EML5: variants seen among roughly 807,000 people sequenced by gnomAD.
EML5 encodes the protein echinoderm microtubule-associated protein-like 5.
In EML5, 120 loss-of-function variants were observed where a neutral mutation model predicts 250.0. That is an observed-to-expected ratio of 0.48 (90% CI 0.41 to 0.56). The LOEUF is 0.56. Ranked by LOEUF, EML5 falls within the 20% of genes least tolerant of loss-of-function variation. The pLI is 0.00. For missense variants in EML5, 2,006 were observed against 2,437.6 expected, an observed-to-expected ratio of 0.82 and a Z score of 3.73; for synonymous variants, 771 against 806.5, an observed-to-expected ratio of 0.96 and a Z score of 0.75.
intron 7 of EML5, among the ~76,000 whole-genome samples, chr14:88,728,544 A>T (rs1177200807): frequency 6.6e-6 from 1 of 152,208 alleles, no homozygotes; most frequent in Non-Finnish European, 1.5e-5. Flanking sequence ...AAGAGAAAAT[A>T]TAATTGTTAT....
rs541237008 is a variant in EML5, at chr14:88,738,864, T to C, written c.847+15A>G. 7.7e-6 allele frequency: 12 copies of C among 1,552,240 alleles called. No individual in the cohort carries two copies. Among genetic ancestry groups the C allele is most frequent in the Non-Finnish European group, 9.6e-6 (11 of 1,148,320 alleles). On this transcript the variant is annotated intron_variant, in intron 6 of 43. Coordinates refer to ENST00000554922, the MANE Select transcript of EML5 (RefSeq NM_183387.3). ...TAGAGTTTGCCTAGTAATAAGACAT[T>C]TGTTTTGTTATTACCTTTGTATCCC...
At chr14:88,715,251 C>T (rs2093472988) in intron 8 of EML5, 56 bp from the exon 9 acceptor site, 6 of 1,472,826 alleles carry the variant, frequency 4.1e-6, no homozygotes, top group African/African-American at 1.4e-5. Context: ...AGAATTAATG[C>T]CGTTTCAAAC....
intron 8 of EML5, among the ~76,000 whole-genome samples, chr14:88,717,221 C>T (rs1299112774): frequency 6.6e-6 from 1 of 152,142 alleles, no homozygotes; most frequent in Non-Finnish European, 1.5e-5. Flanking sequence ...GGTAAAGGAC[C>T]TGTTTCAGCA....
At chr14:88,774,276 G>C (rs922779294) in intron 1 of EML5, among the ~76,000 whole-genome samples, 1 of 152,192 alleles carries the variant, frequency 6.6e-6, no homozygotes, top group Non-Finnish European at 1.5e-5. Flanking sequence ...CTAGTCTGAA[G>C]ACCACACTTT....
At chr14:88,741,971 T>C (rs2093931241) in intron 4 of EML5, among the ~76,000 whole-genome samples, 1 of 152,190 alleles carries the variant, frequency 6.6e-6, no homozygotes, top group South Asian at 2.1e-4. Flanking sequence ...CTCCATAATT[T>C]GTGTACATAA....
At chr14:88,659,503 C>T (rs1335421229) in intron 25 of EML5, among the ~76,000 whole-genome samples, 1 of 152,116 alleles carries the variant, frequency 6.6e-6, no homozygotes, top group Admixed American at 6.5e-5. Context: ...TAAGCCACTG[C>T]GCCCAGCAGG....
Position 88,702,629 on chromosome 14 carries a change from G to A in EML5, c.2055C>T (p.Tyr685=), listed in dbSNP as rs1242750315. Residue 685 remains tyrosine (Y), a synonymous_variant, in exon 14 of 44, where the codon TAC becomes TAT. Coordinates refer to ENST00000554922, the MANE Select transcript of EML5 (RefSeq NM_183387.3). ...NSIRLHFVHG[Y]RGYDCRSNLF... is the part of the protein sequence containing the mutation. ...GATTACTTCGACAGTCATAACCTCT[G>A]TAACTAATATAGAAAACAAATCATA... is the stretch of plus-strand genomic sequence containing the variant. 4 of 1,558,472 alleles carry A rather than the reference G, an allele frequency of 2.6e-6. No individual in the cohort carries two copies. The African/African-American group carries it at 4.1e-5, about 16-fold the overall frequency.
intron 14 of EML5, among the ~76,000 whole-genome samples, chr14:88,698,140 A>G (rs1256008410): frequency 6.6e-6 from 1 of 152,136 alleles, no homozygotes; most frequent in Non-Finnish European, 1.5e-5. Flanking sequence ...GAAAATTTTT[A>G]ACATTTTTTG....
intron 1 of EML5, among the ~76,000 whole-genome samples, chr14:88,774,552 C>T (rs1378354026): frequency 2.0e-5 from 3 of 152,128 alleles, no homozygotes; most frequent in Non-Finnish European, 4.4e-5. Context: ...AGCAAAACTT[C>T]GCTAAGGTGA....
intron 20 of EML5, among the ~76,000 whole-genome samples, chr14:88,683,860 G>C (rs77548033): frequency 0.01 from 1,524 of 152,242 alleles, 24 homozygotes; most frequent in African/African-American, 0.035. Context: ...TATACTCAAT[G>C]GTGGAAGACT....
chr14:88,673,861 A>G (rs1211551279), intron 21 of EML5, among the ~76,000 whole-genome samples: 1 of 152,198 alleles, frequency 6.6e-6, no homozygotes, highest in Non-Finnish European at 1.5e-5. Flanking sequence ...ACCACTGCTC[A>G]AGGAAATAAA....
chr14:88,694,107 T>A (rs535029714), intron 17 of EML5, among the ~76,000 whole-genome samples, 200 bp downstream of exon 17: 1 of 152,064 alleles, frequency 6.6e-6, no homozygotes, highest in Non-Finnish European at 1.5e-5. Flanking sequence ...AGACCATTTG[T>A]TGAAACTAAG....
chr14:88,654,067 G>A lies in EML5; in HGVS notation c.4004+3309C>T, dbSNP rs1204165884. Among the ~76,000 whole-genome samples the A allele has an allele frequency of 4.6e-5, 7 of 152,030 alleles. No homozygotes were observed. In the East Asian group the frequency reaches 5.8e-4, roughly 13 times the overall value. On this transcript the variant is annotated intron_variant, in intron 27 of 43. Transcript: ENST00000554922. ...CTTCTAGATTTTCTAGTTTATTTGC[G>A]TAGAGGTCTTTATAGCATTCTCTGA...
At chr14:88,756,908 T>C (rs28796383) in intron 1 of EML5, among the ~76,000 whole-genome samples, 16,881 of 152,198 alleles carry the variant, frequency 0.11, 1,035 homozygotes, top group African/African-American at 0.14. Flanking sequence ...ACTTCTCAAA[T>C]TGATCTACAG....
chr14:88,764,001 C>T (rs1481478541), intron 1 of EML5, among the ~76,000 whole-genome samples: 1 of 152,184 alleles, frequency 6.6e-6, no homozygotes, highest in Non-Finnish European at 1.5e-5. Context: ...AGATAGTCAC[C>T]TGGCTTTTCT....
rs200761896 is a variant in EML5 at position 88,622,672 on chromosome 14, G to A, written c.4945C>T (p.Arg1649Trp). The change falls in exon 37 of 44, where the codon CGG becomes TGG. Residue 1649 changes from arginine to tryptophan, a missense_variant. Transcript: ENST00000554922. ...GTCTCAAGCCTGAAGGCACGGCACC[G>A]CCTCAGTTCCTGATCCCACAGTTTA... is the stretch of plus-strand genomic sequence containing the variant. Reference protein sequence around the residue: ...AVKLWDQELRRCRAFRLETGQ... With the variant: ...AVKLWDQELRWCRAFRLETGQ... 2.5e-5 allele frequency: 41 copies of A among 1,610,260 alleles called. No individual in the cohort carries two copies. The highest frequency in any genetic ancestry group is 5.3e-5 in the African/African-American group (4 of 74,916).
intron 36 of EML5, chr14:88,624,737 C>T: frequency 2.1e-6 from 1 of 482,960 alleles, no homozygotes; most frequent in Non-Finnish European, 3.7e-6. Flanking sequence ...AGGACAACTA[C>T]CTATCCACAC....
chr14:88,736,378 A>G lies in EML5; in HGVS notation c.1035T>C (p.Asp345=). 1 of 1,614,016 alleles carries G rather than the reference A, an allele frequency of 6.2e-7. No individual in the cohort carries two copies. The highest frequency in any genetic ancestry group is 8.5e-7 in the Non-Finnish European group (1 of 1,179,880). The change falls in exon 7 of 44, where the codon GAT becomes GAC. Residue 345 remains aspartate (D), a synonymous_variant. Transcript: ENST00000554922. ...AATTTGCTTACCTGACCGAACGATC[A>G]TCACTTCCAGTCACAGCCAAAGGTT... The part of the protein sequence containing the change: ...PTKPLAVTGS[D]DRSVRIWSLV...
At position 88,712,411 on chromosome 14, in the gene EML5, A is replaced by G; in HGVS notation, c.1517T>C (p.Leu506Pro). The G allele has an allele frequency of 1.2e-6, 2 of 1,613,686 alleles. No homozygotes were observed. The highest frequency in any genetic ancestry group is 1.7e-6 in the Non-Finnish European group (2 of 1,179,738). Residue 506 changes from leucine to proline, a missense_variant, in exon 10 of 44, where the codon CTT (leucine) becomes CCT (proline). Coordinates refer to ENST00000554922, the MANE Select transcript of EML5 (RefSeq NM_183387.3). ...CTTGGGCCAAATTCCATTTACTTCA[A>G]GGCCTGAAACACATGTCCATGAAGC... ...HWASWTCVSG[L>P]EVNGIWPKYS...
Sources: gnomAD v4.1 joint callset for allele counts (sites outside exome capture counted in the v4.1 genomes callset) on GRCh38, gnomAD v4.1.1 for gene constraint, MANE v1.5 for transcripts, NCBI Gene and HGNC (gene_info 2026-07-23, HGNC 2026-07-21) for gene names.